The following MRTFA variants were observed in gnomAD, a reference collection of about 807,000 sequenced individuals.
MRTFA encodes myocardin related transcription factor A.
Under a neutral mutation model 83.5 loss-of-function variants are expected in MRTFA, and 20 were observed. That is an observed-to-expected ratio of 0.24 (90% CI 0.17 to 0.35). The LOEUF (loss-of-function observed/expected upper bound fraction) is 0.35, where lower values mean the gene tolerates loss of function less well. Among genes scored for constraint, MRTFA ranks in the 10% least tolerant of loss-of-function variants. The probability of loss-of-function intolerance (pLI) is 1.00; values close to 1 mark genes in which losing one functional copy is unlikely to be tolerated. For synonymous variants in MRTFA, 659 were observed against 541.2 expected, an observed-to-expected ratio of 1.22 and a Z score of -3.02; for missense variants, 1,200 against 1,224.7, an observed-to-expected ratio of 0.98 and a Z score of 0.30.
intron 2 of MRTFA, among the ~76,000 whole-genome samples, chr22:40,574,160 T>C (rs762522145): frequency 4.6e-5 from 7 of 152,300 alleles, no homozygotes; most frequent in Non-Finnish European, 5.9e-5. Flanking sequence ...TCTCTCAACT[T>C]GTGCTAAGGT....
intron 7 of MRTFA, among the ~76,000 whole-genome samples, chr22:40,425,788 G>A (rs1475049155): frequency 6.6e-6 from 1 of 152,226 alleles, no homozygotes; most frequent in Non-Finnish European, 1.5e-5. Context: ...GAGCAAGGGT[G>A]GAGGAACTGT....
intron 10 of MRTFA, 90 bp from the exon 11 acceptor site, chr22:40,420,666 C>T (rs780092509): frequency 1.3e-5 from 21 of 1,558,588 alleles, no homozygotes; most frequent in Non-Finnish European, 1.8e-5. Flanking sequence ...GGATTGGGTA[C>T]AGATGGGCAT....
intron 3 of MRTFA, among the ~76,000 whole-genome samples, chr22:40,490,781 G>A (rs1002205871): frequency 2.0e-5 from 3 of 152,046 alleles, no homozygotes; most frequent in East Asian, 1.9e-4. Context: ...ATGTCTAAGT[G>A]TTTAGAAAAG....
chr22:40,599,876 G>A (rs1440841026), intron 1 of MRTFA, among the ~76,000 whole-genome samples: 2 of 150,790 alleles, frequency 1.3e-5, no homozygotes, highest in African/African-American at 2.4e-5. Flanking sequence ...TCCAGCCTGA[G>A]CGACAGAGTG....
chr22:40,508,838 T>C lies in MRTFA; in HGVS notation c.241+43268A>G, dbSNP rs2054623530. ...CAGCCTGGGCAACATAGCGAGACTC[T>C]GCCTCTACCAAAAAAAAAAAAAAAA... On this transcript the variant is annotated intron_variant, in intron 3 of 14. Coordinates refer to ENST00000355630, the MANE Select transcript of MRTFA (RefSeq NM_020831.6). Among the ~76,000 whole-genome samples the C allele has an allele frequency of 2.7e-5, 4 of 148,408 alleles. No individual in the cohort carries two copies. The Admixed American group carries it at 2.7e-4, about 10-fold the overall frequency.
chr22:40,550,425 G>A (rs1449790870), intron 3 of MRTFA, among the ~76,000 whole-genome samples: 1 of 152,126 alleles, frequency 6.6e-6, no homozygotes, highest in Non-Finnish European at 1.5e-5. Context: ...CTGACACAGA[G>A]ATGGACAGAG....
chr22:40,426,986 T>A (rs565214713), intron 7 of MRTFA, among the ~76,000 whole-genome samples: 4 of 152,226 alleles, frequency 2.6e-5, no homozygotes, highest in African/African-American at 9.6e-5. Flanking sequence ...AGCACTGGCA[T>A]CTGACTGGGA....
chr22:40,423,607 G>C lies in MRTFA; in HGVS notation c.856C>G (p.Pro286Ala). 1.9e-6 allele frequency: 3 copies of C among 1,599,466 alleles called. No individual in the cohort carries two copies. Among genetic ancestry groups the C allele is most frequent in the South Asian group, 2.3e-5 (2 of 88,862 alleles). Residue 286 changes from proline to alanine, a missense_variant, in exon 9 of 15, where the codon CCT becomes GCT. By Grantham distance (27) the Pro-to-Ala change is conservative. This residue lies in a region of MRTFA where 1,107 missense variants were observed against 1,041.8 expected (regional missense o/e 1.06). Transcript: ENST00000355630. The stretch of plus-strand genomic sequence containing the variant: ...TTGGTGAGGCTGGGAGGCAGCAGAG[G>C]TGGGGGAGGCAGAGGAGGCTGCTCT...
At chr22:40,537,118 G>A (rs1242653914) in intron 3 of MRTFA, among the ~76,000 whole-genome samples, 3 of 55,914 alleles carry the variant, frequency 5.4e-5, no homozygotes, top group Non-Finnish European at 1.1e-4. Context: ...AGGTGGGGGG[G>A]TCAGCCCCCC....
intron 3 of MRTFA, among the ~76,000 whole-genome samples, chr22:40,524,333 G>A (rs931137930): frequency 4.6e-5 from 7 of 152,102 alleles, no homozygotes; most frequent in African/African-American, 7.2e-5. Flanking sequence ...TTAAAACATT[G>A]TATACTAACA....
intron 3 of MRTFA, among the ~76,000 whole-genome samples, chr22:40,510,282 T>C (rs1272559977): frequency 3.3e-5 from 5 of 151,670 alleles, no homozygotes; most frequent in Non-Finnish European, 7.4e-5. Flanking sequence ...AGGATTAAAA[T>C]GTACATTAGG....
At chr22:40,594,253 C>T (rs2056160470) in intron 2 of MRTFA, among the ~76,000 whole-genome samples, 1 of 152,218 alleles carries the variant, frequency 6.6e-6, no homozygotes, top group Admixed American at 6.5e-5. Flanking sequence ...CTACCATTCA[C>T]ACAGGCTACT....
chr22:40,479,082 C>CA (rs2054045989), intron 3 of MRTFA, among the ~76,000 whole-genome samples: 1 of 152,130 alleles, frequency 6.6e-6, no homozygotes, highest in African/African-American at 2.4e-5. Flanking sequence ...CATTTTCTAA[C>CA]AAAGAGCAGC....
In MRTFA at chr22:40,446,352, A is replaced by G. The variant is rs111485597; in HGVS notation, c.308-10798T>C. 2.5e-3 allele frequency among the ~76,000 whole-genome samples: 385 copies of G among 152,354 alleles called. 4 individuals are homozygous for G. The highest frequency in any genetic ancestry group is 0.014 in the Middle Eastern group (4 of 294). On this transcript the variant is annotated intron_variant, in intron 4 of 14. Transcript: ENST00000355630. The stretch of plus-strand genomic sequence containing the variant: ...CTAGTAATGTTCAAGAGGCCACTTA[A>G]AAGAACAAATTGGAGTGACTGGGTG...
chr22:40,586,365 G>T (rs542103241), intron 2 of MRTFA, among the ~76,000 whole-genome samples: 64 of 151,766 alleles, frequency 4.2e-4, no homozygotes, highest in Non-Finnish European at 8.7e-4. Flanking sequence ...CAACCATGAA[G>T]ATACAAAGAT....
chr22:40,567,340 A>G (rs1285207292), intron 2 of MRTFA, among the ~76,000 whole-genome samples: 1 of 152,148 alleles, frequency 6.6e-6, no homozygotes, highest in African/African-American at 2.4e-5. Context: ...ATGTGTTCCA[A>G]TTTTTAAAGG....
At chr22:40,435,793 G>A (rs1280718925) in intron 4 of MRTFA, among the ~76,000 whole-genome samples, 2 of 151,962 alleles carry the variant, frequency 1.3e-5, no homozygotes, top group East Asian at 1.9e-4. Flanking sequence ...TTAGCCAGGC[G>A]TGGTGGTGGT....
intron 1 of MRTFA, among the ~76,000 whole-genome samples, chr22:40,621,135 T>C (rs1281240101): frequency 6.6e-6 from 1 of 151,610 alleles, no homozygotes; most frequent in Non-Finnish European, 1.5e-5. Flanking sequence ...TGAGCCATGA[T>C]TGTGTCACTG....
intron 2 of MRTFA, among the ~76,000 whole-genome samples, chr22:40,588,966 G>GAGTA (rs2056073825): frequency 6.6e-6 from 1 of 152,140 alleles, no homozygotes; most frequent in African/African-American, 2.4e-5. Context: ...TGGGGCAATA[G>GAGTA]AGTAAGACCT....
Sources: gnomAD v4.1 joint callset for allele counts (sites outside exome capture counted in the v4.1 genomes callset) on GRCh38, gnomAD v4.1.1 for gene constraint, gnomAD v4.1.1 regional missense constraint, MANE v1.5 for transcripts, NCBI Gene and HGNC (gene_info 2026-07-23, HGNC 2026-07-21) for gene names.